The following TNRC6B variants were observed in gnomAD, a reference collection of about 807,000 sequenced individuals.
The protein encoded by TNRC6B is trinucleotide repeat containing adaptor 6B.
Under a neutral mutation model 203.6 loss-of-function variants are expected in TNRC6B, and 52 were observed. The ratio of observed to expected loss-of-function variants is 0.26; its 90% CI spans 0.20 to 0.32. TNRC6B has a LOEUF of 0.32. Ranked by LOEUF, TNRC6B falls within the 10% of genes least tolerant of loss-of-function variation. The pLI is 1.00. For synonymous variants in TNRC6B, 838 were observed against 845.7 expected, an observed-to-expected ratio of 0.99 and a Z score of 0.16; for missense variants, 1,923 against 2,286.2, an observed-to-expected ratio of 0.84 and a Z score of 3.24.
At chr22:40,295,993 C>T (rs1035779657) in intron 12 of TNRC6B, among the ~76,000 whole-genome samples, 5 of 152,070 alleles carry the variant, frequency 3.3e-5, no homozygotes, top group African/African-American at 9.7e-5. Context: ...TGGGAGTCTT[C>T]GAGGGGAGTT....
intron 9 of TNRC6B, among the ~76,000 whole-genome samples, chr22:40,278,391 C>T (rs2070679425): frequency 1.3e-5 from 2 of 151,926 alleles, no homozygotes; most frequent in South Asian, 4.2e-4. Flanking sequence ...AACCCCATCT[C>T]TACTAAAAAT....
At chr22:40,054,165 G>C (rs1055525463) in intron 1 of TNRC6B, among the ~76,000 whole-genome samples, 1 of 152,192 alleles carries the variant, frequency 6.6e-6, no homozygotes, top group Non-Finnish European at 1.5e-5. Context: ...GCAGTCAGCC[G>C]AGATTGCGCC....
At chr22:40,247,404 A>G (rs2070123616) in intron 2 of TNRC6B, among the ~76,000 whole-genome samples, 1 of 152,230 alleles carries the variant, frequency 6.6e-6, no homozygotes, top group Non-Finnish European at 1.5e-5. Flanking sequence ...TTCCAGCATT[A>G]TTGGATATAG....
At chr22:40,223,205 A>C (rs1301824671) in intron 1 of TNRC6B, among the ~76,000 whole-genome samples, 5 of 151,922 alleles carry the variant, frequency 3.3e-5, no homozygotes, top group Non-Finnish European at 7.4e-5. Context: ...CAATGGCGCA[A>C]TCTCGACTCA....
chr22:40,128,148 A>C (rs528665275), intron 3 of TNRC6B, among the ~76,000 whole-genome samples: 13 of 152,318 alleles, frequency 8.5e-5, no homozygotes, highest in African/African-American at 2.6e-4. Flanking sequence ...TATAAATTAG[A>C]TTATAACTTC....
intron 1 of TNRC6B, among the ~76,000 whole-genome samples, chr22:40,107,832 G>T (rs886337106): frequency 6.6e-6 from 1 of 151,142 alleles, no homozygotes; most frequent in Non-Finnish European, 1.5e-5. Context: ...CTCTTTTTTG[G>T]CCAGAGATGG....
chr22:40,134,129 G>A (rs1601833270), intron 3 of TNRC6B, among the ~76,000 whole-genome samples: 1 of 152,080 alleles, frequency 6.6e-6, no homozygotes, highest in Non-Finnish European at 1.5e-5. Flanking sequence ...ATTGCAAAAA[G>A]TTTAGTAAAT....
chr22:40,115,202 A>G (rs1449156837), intron 1 of TNRC6B, among the ~76,000 whole-genome samples: 1 of 152,204 alleles, frequency 6.6e-6, no homozygotes, highest in Non-Finnish European at 1.5e-5. Flanking sequence ...GAGACATGTA[A>G]TGAACAACTT....
intron 15 of TNRC6B, among the ~76,000 whole-genome samples, chr22:40,302,916 TAGA>T (rs970896852): frequency 6.6e-6 from 1 of 152,146 alleles, no homozygotes; most frequent in Non-Finnish European, 1.5e-5. Context: ...GCACTTGATA[TAGA>T]AGAAGGTCAG....
intron 1 of TNRC6B, among the ~76,000 whole-genome samples, chr22:40,048,789 A>G (rs1385133239): frequency 2.0e-5 from 3 of 151,930 alleles, no homozygotes; most frequent in African/African-American, 7.3e-5. Flanking sequence ...CCTTTGTATC[A>G]CGGCTTTCTC....
Position 40,300,446 on chromosome 22 carries a change from T to C in TNRC6B, c.3709-9T>C, listed in dbSNP as rs777684468. 2 of 1,541,462 alleles carry C rather than the reference T, an allele frequency of 1.3e-6. No individual in the cohort carries two copies. Among genetic ancestry groups the C allele is most frequent in the South Asian group, 2.5e-5 (2 of 78,454 alleles). ...TTTTCTTTTCTTTCTTTTTTATTTTTTTGGCTAGGTTTCTGCCTCAATGCT... is the reference window on the plus strand; with the variant it reads ...TTTTCTTTTCTTTCTTTTTTATTTTCTTGGCTAGGTTTCTGCCTCAATGCT... On this transcript the variant is annotated splice_polypyrimidine_tract_variant and intron_variant, in intron 12 of 22. Transcript: ENST00000454349.
chr22:40,276,647 A>G (rs144289933), intron 7 of TNRC6B, among the ~76,000 whole-genome samples: 155 of 152,324 alleles, frequency 1.0e-3, no homozygotes, highest in African/African-American at 3.7e-3. Context: ...TGAGTTCCTT[A>G]TAATGCCCAG....
At chr22:40,151,800 AAAG>A (rs2068758576) in intron 3 of TNRC6B, among the ~76,000 whole-genome samples, 1 of 151,888 alleles carries the variant, frequency 6.6e-6, no homozygotes, top group Non-Finnish European at 1.5e-5. Context: ...AGAAAGAAAG[AAAG>A]AAGAAAATCA....
intron 11 of TNRC6B, 33 bp downstream of exon 11, chr22:40,281,322 G>T: frequency 6.6e-7 from 1 of 1,508,740 alleles, no homozygotes; most frequent in South Asian, 1.3e-5. Flanking sequence ...TAACTGCTTG[G>T]CTATGGCCTC....
At chr22:40,250,514 A>G (rs769417731) in intron 2 of TNRC6B, among the ~76,000 whole-genome samples, 5 of 152,126 alleles carry the variant, frequency 3.3e-5, no homozygotes, top group Admixed American at 6.5e-5. Context: ...ACATATTTCA[A>G]TCTTACTGCT....
chr22:40,155,724 G>T (rs2068813795), intron 3 of TNRC6B, among the ~76,000 whole-genome samples: 1 of 151,918 alleles, frequency 6.6e-6, no homozygotes, highest in African/African-American at 2.4e-5. Context: ...GTTGTGAAAT[G>T]GTTTTAATTT....
chr22:40,048,029 T>C (rs1300433217), intron 1 of TNRC6B, among the ~76,000 whole-genome samples: 2 of 152,232 alleles, frequency 1.3e-5, no homozygotes, highest in Non-Finnish European at 2.9e-5. Context: ...GAAAAAATAC[T>C]TAAATGGAGC....
chr22:40,289,096 T>A (rs2070833296), intron 12 of TNRC6B, among the ~76,000 whole-genome samples: 1 of 152,060 alleles, frequency 6.6e-6, no homozygotes, highest in Admixed American at 6.6e-5. Context: ...ATTACAGGCG[T>A]GAGCCACCGC....
At chr22:40,237,721 AT>A (rs2069966864) in intron 1 of TNRC6B, among the ~76,000 whole-genome samples, 1 of 152,178 alleles carries the variant, frequency 6.6e-6, no homozygotes, top group East Asian at 1.9e-4. Flanking sequence ...CATCTCCCAG[AT>A]GGCTTTCTTT....
Sources: allele counts gnomAD v4.1 joint callset (sites outside exome capture counted in the v4.1 genomes callset), GRCh38; gene constraint gnomAD v4.1.1; transcripts MANE v1.5; gene names NCBI Gene and HGNC (gene_info 2026-07-23, HGNC 2026-07-21).